The following SLC7A9 variants were observed in gnomAD, a reference collection of about 807,000 sequenced individuals.
SLC7A9 encodes the protein B(0,+)-type amino acid transporter 1.
A neutral mutation model predicts 54.1 loss-of-function variants in SLC7A9; 38 were observed. The ratio of observed to expected loss-of-function variants is 0.70; its 90% CI spans 0.54 to 0.92. The LOEUF (loss-of-function observed/expected upper bound fraction) is 0.92, where lower values mean the gene tolerates loss of function less well. SLC7A9 is among the 40% of genes least tolerant of loss of function. The probability of loss-of-function intolerance (pLI) is 0.00; values close to 1 mark genes in which losing one functional copy is unlikely to be tolerated. For synonymous variants in SLC7A9, 264 were observed against 258.9 expected (o/e 1.02, Z -0.19); for missense variants, 537 against 636.1 (o/e 0.84, Z 1.68).
intron 9 of SLC7A9, among the ~76,000 whole-genome samples, chr19:32,853,743 C>G (rs1420420562): frequency 2.0e-5 from 3 of 151,882 alleles, no homozygotes; most frequent in Non-Finnish European, 4.4e-5. Context: ...ATGGTGAAAC[C>G]CTGTCTCTAC....
intron 7 of SLC7A9, 39 bp downstream of exon 7, chr19:32,860,567 C>T: frequency 1.9e-6 from 3 of 1,613,984 alleles, no homozygotes; most frequent in Non-Finnish European, 2.5e-6. Flanking sequence ...AGAAATCAGG[C>T]TGCCCGGCTA....
chr19:32,845,735 C>T (rs1316562185), intron 9 of SLC7A9, among the ~76,000 whole-genome samples: 1 of 152,136 alleles, frequency 6.6e-6, no homozygotes. Context: ...AGGCCAGGCA[C>T]AGTGGTTCAT....
At chr19:32,859,681 G>A (rs570076584) in intron 8 of SLC7A9, among the ~76,000 whole-genome samples, 160 bp downstream of exon 8, 12 of 152,136 alleles carry the variant, frequency 7.9e-5, no homozygotes, top group African/African-American at 2.4e-4. Context: ...TGGCTAGCCC[G>A]GCCCTGCCTC....
Position 32,832,309 on chromosome 19 carries a change from G to A in SLC7A9, c.1399+840C>T, listed in dbSNP as rs185685369. Among the ~76,000 whole-genome samples, 686 of 151,874 alleles carry A rather than the reference G, an allele frequency of 4.5e-3. 5 individuals carry two copies. The highest frequency in any genetic ancestry group is 0.016 in the African/African-American group (646 of 41,418). On this transcript the variant is annotated intron_variant, in intron 12 of 12. Coordinates refer to ENST00000023064, the MANE Select transcript of SLC7A9 (RefSeq NM_014270.5). ...CATCTCAAAACAAAGAAAATGGGCC[G>A]GGCGCAGTGGCTGACATCTGTAATC... is the stretch of plus-strand genomic sequence containing the variant.
rs199836926 is a variant in SLC7A9 at position 32,846,799 on chromosome 19, C to T, written c.978-2848G>A. 3.5e-4 allele frequency among the ~76,000 whole-genome samples: 53 copies of T among 152,308 alleles called. No homozygotes were observed. In the East Asian group the frequency reaches 8.1e-3, roughly 23 times the overall value. On this transcript the variant is annotated intron_variant, in intron 9 of 12. Transcript: ENST00000023064. ...GGGGCAGACTGACACCTCACATGGC[C>T]GGGTACTCCTCTGAGACAAAAATTC...
At chr19:32,850,442 A>C (rs369686374) in intron 9 of SLC7A9, among the ~76,000 whole-genome samples, 15,455 of 151,286 alleles carry the variant, frequency 0.1, 968 homozygotes, top group Middle Eastern at 0.15. Context: ...CTTCAAAGAG[A>C]ATAAAATACC....
At chr19:32,842,597 T>TTTTTGTTTTGTTTTGTTTTGTTTTG (rs3837976) in intron 10 of SLC7A9, among the ~76,000 whole-genome samples, 32 of 149,114 alleles carry the variant, frequency 2.1e-4, no homozygotes, top group East Asian at 1.0e-3. Context: ...ACTGTGGGTT[T>TTTTTGTTTTGTTTTGTTTTGTTTTG]TTTTGTTTTG....
At chr19:32,856,830 G>C (rs971592188) in intron 9 of SLC7A9, among the ~76,000 whole-genome samples, 3 of 152,072 alleles carry the variant, frequency 2.0e-5, no homozygotes, top group Non-Finnish European at 1.5e-5. Flanking sequence ...TCCTGCCTCA[G>C]CCCATATAAG....
chr19:32,860,981 A>G (rs1968784005), intron 6 of SLC7A9, among the ~76,000 whole-genome samples: 2 of 152,188 alleles, frequency 1.3e-5, no homozygotes, highest in African/African-American at 2.4e-5. Context: ...AAATCTATAA[A>G]TGCTTTGCAG....
Position 32,859,971 on chromosome 19 carries a change from G to T in SLC7A9, c.750-7C>A, listed in dbSNP as rs370554459. The stretch of plus-strand genomic sequence containing the variant: ...AATGGCCAAAGGCAGGTTTCTGGGA[G>T]GGGCAATGACACGGAGACCCACGTT... On this transcript the variant is annotated splice_polypyrimidine_tract_variant and splice_region_variant and intron_variant, in intron 7 of 12. Transcript: ENST00000023064. The T allele has an allele frequency of 6.2e-7, 1 of 1,613,996 alleles. No individual in the cohort carries two copies. The highest frequency in any genetic ancestry group is 8.5e-7 in the Non-Finnish European group (1 of 1,179,996).
Position 32,842,225 on chromosome 19 carries a change from C to T in SLC7A9, c.1167G>A (p.Thr389=), listed in dbSNP as rs368549032. 4.4e-5 allele frequency: 71 copies of T among 1,614,072 alleles called. No homozygotes were observed. Among genetic ancestry groups the T allele is most frequent in the Admixed American group, 3.3e-4 (20 of 60,016 alleles). The change falls in exon 11 of 13, where the codon ACG becomes ACA. Residue 389 remains threonine (T), a synonymous_variant. Transcript: ENST00000023064. ...SFAAWLFYGL[T]ILGLIVMRFT... ...ATCTCATCACGATGAGTCCTAGAAT[C>T]GTCAGGCCATAAAACAGCCATGCGG...
At chr19:32,839,219 T>C (rs1190344674) in intron 11 of SLC7A9, among the ~76,000 whole-genome samples, 1 of 152,154 alleles carries the variant, frequency 6.6e-6, no homozygotes, top group African/African-American at 2.4e-5. Flanking sequence ...TGCCAGTGAC[T>C]TTTTGGTTTC....
intron 9 of SLC7A9, among the ~76,000 whole-genome samples, chr19:32,847,579 C>T (rs1018489050): frequency 1.5e-4 from 23 of 152,198 alleles, no homozygotes; most frequent in African/African-American, 4.6e-4. Flanking sequence ...CTGAAAGTAA[C>T]GGGGAGAATG....
At chr19:32,859,081 C>T (rs993041010) in intron 8 of SLC7A9, among the ~76,000 whole-genome samples, 5 of 151,118 alleles carry the variant, frequency 3.3e-5, no homozygotes, top group Admixed American at 1.3e-4. Flanking sequence ...GCCACCATGC[C>T]TGGCCAAATC....
At position 32,862,220 on chromosome 19, in the gene SLC7A9, G is replaced by A; in HGVS notation, c.605-3C>T. On this transcript the variant is annotated splice_polypyrimidine_tract_variant and splice_region_variant and intron_variant, in intron 5 of 12. Coordinates refer to ENST00000023064, the MANE Select transcript of SLC7A9 (RefSeq NM_014270.5). ...ATTATCAAAATTCTTTGTGTTTCCTGTAATGAAGCCAGACAGTGAACGGCG... is the reference window on the plus strand; with the variant it reads ...ATTATCAAAATTCTTTGTGTTTCCTATAATGAAGCCAGACAGTGAACGGCG... The A allele has an allele frequency of 6.2e-7, 1 of 1,611,552 alleles. No individual in the cohort carries two copies. The highest frequency in any genetic ancestry group is 1.1e-5 in the South Asian group (1 of 91,028).
chr19:32,864,701 C>G lies in SLC7A9; in HGVS notation c.163G>C (p.Val55Leu), dbSNP rs1326713773. 1.9e-6 allele frequency: 3 copies of G among 1,614,180 alleles called. No homozygotes were observed. The highest frequency in any genetic ancestry group is 2.7e-5 in the African/African-American group (2 of 75,074). ...CCCACAGCTTCCGTGTTGCTGAGCA[C>G]AGACTTGGGGGAAACGAAGATCCCA... ...GSGIFVSPKS[V>L]LSNTEAVGPC... Residue 55 changes from valine to leucine, a missense_variant, in exon 3 of 13, where the codon GTG becomes CTG. By Grantham distance (32) the Val-to-Leu change is conservative. Transcript: ENST00000023064.
intron 11 of SLC7A9, among the ~76,000 whole-genome samples, chr19:32,838,669 G>T (rs114191754): frequency 0.023 from 3,308 of 146,184 alleles, 116 homozygotes; most frequent in African/African-American, 0.076. Flanking sequence ...AATACCCTTA[G>T]TCCCCTTTTA....
At chr19:32,865,958 CAAAAA>C (rs34667172) in intron 2 of SLC7A9, among the ~76,000 whole-genome samples, 3 of 119,376 alleles carry the variant, frequency 2.5e-5, no homozygotes, top group Non-Finnish European at 3.7e-5. Flanking sequence ...GAGACTGTCT[CAAAAA>C]AAAAAAAAAA....
intron 8 of SLC7A9, among the ~76,000 whole-genome samples, chr19:32,859,024 C>T (rs2868193): frequency 0.22 from 33,135 of 151,762 alleles, 3,898 homozygotes; most frequent in East Asian, 0.51. Context: ...CCTGACCTTG[C>T]GATCCACCCA....
Sources: allele counts gnomAD v4.1 joint callset (sites outside exome capture counted in the v4.1 genomes callset), GRCh38; gene constraint gnomAD v4.1.1; transcripts MANE v1.5; gene names NCBI Gene and HGNC (gene_info 2026-07-23, HGNC 2026-07-21).